TAF2: variants seen among roughly 807,000 people sequenced by gnomAD.
TAF2 encodes transcription initiation factor TFIID subunit 2.
In TAF2, 61 loss-of-function variants were observed where a neutral mutation model predicts 138.5. That is an observed-to-expected ratio of 0.44 (90% CI 0.36 to 0.54). TAF2 has a LOEUF of 0.54. Ranked by LOEUF, TAF2 falls within the 20% of genes least tolerant of loss-of-function variation. The pLI is 0.00. For synonymous variants in TAF2, 475 were observed against 469.9 expected (o/e 1.01, Z -0.14); for missense variants, 1,090 against 1,427.9 (o/e 0.76, Z 3.81).
At chr8:119,806,468 T>C in intron 3 of TAF2, 67 bp from the exon 4 acceptor site, 6 of 1,109,794 alleles carry the variant, frequency 5.4e-6, no homozygotes, top group East Asian at 2.6e-5. Flanking sequence ...TTTCTTTCTT[T>C]CTTTTTTTTT....
chr8:119,810,286 A>T (rs1442287714), intron 3 of TAF2, among the ~76,000 whole-genome samples: 1 of 152,178 alleles, frequency 6.6e-6, no homozygotes, highest in Admixed American at 6.5e-5. Context: ...TTGTGTCACT[A>T]GGTTTTTGAA....
Position 119,819,163 on chromosome 8 carries a change from A to C in TAF2, c.299+183T>G, listed in dbSNP as rs559359094. ...CATGAAGAAGGGAAACTTAGTAACT[A>C]CGTTGGGCACAGCTAGCAAAATCAC... On this transcript the variant is annotated intron_variant, in intron 3 of 25. Coordinates refer to ENST00000378164, the MANE Select transcript of TAF2 (RefSeq NM_003184.4). 2.6e-5 allele frequency among the ~76,000 whole-genome samples: 4 copies of C among 152,322 alleles called. No homozygotes were observed. The East Asian group carries it at 7.7e-4, about 29-fold the overall frequency.
chr8:119,757,454 T>C (rs1820774655), intron 21 of TAF2, among the ~76,000 whole-genome samples: 1 of 152,158 alleles, frequency 6.6e-6, no homozygotes, highest in Non-Finnish European at 1.5e-5. Context: ...TATTTTAAAA[T>C]GTGAGTTTGT....
intron 18 of TAF2, among the ~76,000 whole-genome samples, chr8:119,776,573 C>T (rs983757078): frequency 6.6e-6 from 1 of 151,316 alleles, no homozygotes; most frequent in Non-Finnish European, 1.5e-5. Context: ...CCTGTAGTCC[C>T]AGCTATTCGG....
chr8:119,777,943 G>A, intron 18 of TAF2, 76 bp downstream of exon 18: 7 of 750,930 alleles, frequency 9.3e-6, no homozygotes, highest in Non-Finnish European at 1.6e-5. Context: ...AATACCATTG[G>A]GTAGTTCTGT....
rs1818842741 is a variant in TAF2, at chr8:119,730,888, T to G, written c.*1036A>C. The G allele has an allele frequency of 6.6e-6, 1 of 152,148 alleles. No individual in the cohort carries two copies. The highest frequency in any genetic ancestry group is 1.5e-5 in the Non-Finnish European group (1 of 68,018). The allele number at this position is 152,148 out of a possible 1,614,324, so 9.4% of individuals were successfully genotyped here. On this transcript the variant is annotated 3_prime_UTR_variant, in exon 26 of 26. Transcript: ENST00000378164. The stretch of plus-strand genomic sequence containing the variant: ...TAATGATAAGGGGAATGATAAAAAT[T>G]GAACAGATATAAAAAATATTCTTAA...
rs1440750704 is a variant in TAF2, at chr8:119,791,248, TC to T, written c.1413+75del. ...TAAATCCAGATGTCCTGACTCCTAT[TC>T]TACAGAAACATACTCAGATTATACA... On this transcript the variant is annotated intron_variant, in intron 11 of 25. Transcript: ENST00000378164. 6 of 1,558,934 alleles carry T rather than the reference TC, an allele frequency of 3.8e-6. No individual in the cohort carries two copies. The African/African-American group carries it at 6.8e-5, about 18-fold the overall frequency.
At position 119,813,675 on chromosome 8, in the gene TAF2, T is replaced by C. The variant is rs6999885; in HGVS notation, c.299+5671A>G. On this transcript the variant is annotated intron_variant, in intron 3 of 25. Coordinates refer to ENST00000378164, the MANE Select transcript of TAF2 (RefSeq NM_003184.4). ...GAGGAATGGTTGAGAGTAATCTCAATAATTCTGTAGCCTGAAGATAAGAAA... is the reference window on the plus strand; with the variant it reads ...GAGGAATGGTTGAGAGTAATCTCAACAATTCTGTAGCCTGAAGATAAGAAA... 9.1e-3 allele frequency among the ~76,000 whole-genome samples: 1,380 copies of C among 152,364 alleles called. 20 individuals carry two copies. Among genetic ancestry groups the C allele is most frequent in the African/African-American group, 0.032 (1,316 of 41,588 alleles).
intron 18 of TAF2, among the ~76,000 whole-genome samples, chr8:119,765,759 G>C (rs964154070): frequency 2.0e-5 from 3 of 152,176 alleles, no homozygotes; most frequent in Non-Finnish European, 2.9e-5. Flanking sequence ...TATTGAGCTA[G>C]GAATGATGAT....
chr8:119,826,345 G>T (rs1465938123), intron 2 of TAF2, among the ~76,000 whole-genome samples: 2 of 151,802 alleles, frequency 1.3e-5, no homozygotes, highest in Admixed American at 1.3e-4. Flanking sequence ...TGCCATCCAT[G>T]TAAGAGATGA....
intron 2 of TAF2, among the ~76,000 whole-genome samples, chr8:119,827,948 T>C (rs1826208095): frequency 6.6e-6 from 1 of 152,164 alleles, no homozygotes; most frequent in Admixed American, 6.5e-5. Context: ...TTTCACTGTG[T>C]TGGCCAGGTT....
intron 19 of TAF2, chr8:119,761,815 A>G (rs1821083865): frequency 6.6e-6 from 1 of 152,274 alleles, no homozygotes; most frequent in African/African-American, 2.4e-5. Flanking sequence ...AAAAAAAAAA[A>G]GAAAACAAAT....
At chr8:119,797,537 A>C in intron 7 of TAF2, 125 bp downstream of exon 7, 1 of 984,550 alleles carries the variant, frequency 1.0e-6, no homozygotes, top group Non-Finnish European at 1.5e-6. Context: ...ATTTTGTACA[A>C]AGCCAATCAC....
intron 14 of TAF2, among the ~76,000 whole-genome samples, chr8:119,787,744 A>G (rs918642247): frequency 6.6e-6 from 1 of 152,204 alleles, no homozygotes. Flanking sequence ...ACTGGGTATT[A>G]CCCAAAGGAT....
At chr8:119,762,922 A>G in intron 18 of TAF2, 1 of 221,490 alleles carries the variant, frequency 4.5e-6, no homozygotes, top group Non-Finnish European at 8.9e-6. Context: ...GCCACTAAAA[A>G]AAAAAACAAA....
At chr8:119,797,574 G>T in intron 7 of TAF2, 88 bp downstream of exon 7, 1 of 1,376,102 alleles carries the variant, frequency 7.3e-7, no homozygotes, top group Non-Finnish European at 1.0e-6. Context: ...AAAGTTCAAA[G>T]CTCGTCTTAA....
At chr8:119,800,729 T>G (rs1365590947) in intron 6 of TAF2, among the ~76,000 whole-genome samples, 1 of 152,194 alleles carries the variant, frequency 6.6e-6, no homozygotes, top group Non-Finnish European at 1.5e-5. Flanking sequence ...ACAAATCCTG[T>G]GAATTTCAGC....
chr8:119,771,080 A>G (rs1333338860), intron 18 of TAF2, among the ~76,000 whole-genome samples: 1 of 152,160 alleles, frequency 6.6e-6, no homozygotes, highest in Non-Finnish European at 1.5e-5. Flanking sequence ...CTTAAAAAAA[A>G]AGATATAGAA....
At chr8:119,798,145 T>C (rs1273844221) in intron 6 of TAF2, among the ~76,000 whole-genome samples, 1 of 152,148 alleles carries the variant, frequency 6.6e-6, no homozygotes, top group South Asian at 2.1e-4. Context: ...GTACACATAA[T>C]AAGACTTAAA....
Sources: allele counts gnomAD v4.1 joint callset (sites outside exome capture counted in the v4.1 genomes callset), GRCh38; gene constraint gnomAD v4.1.1; transcripts MANE v1.5; gene names NCBI Gene and HGNC (gene_info 2026-07-23, HGNC 2026-07-21).